The following DSTYK variants were observed in gnomAD, a reference collection of about 807,000 sequenced individuals.
The protein encoded by DSTYK is RIP-homologous kinase.
Under a neutral mutation model 98.7 loss-of-function variants are expected in DSTYK, and 34 were observed. The ratio of observed to expected loss-of-function variants is 0.34; its 90% CI spans 0.26 to 0.46. The LOEUF is 0.46. Among genes scored for constraint, DSTYK ranks in the 20% least tolerant of loss-of-function variants. DSTYK has a pLI of 1.00. For synonymous variants in DSTYK, 462 were observed against 457.3 expected (o/e 1.01, Z -0.13); for missense variants, 962 against 1,181.7 (o/e 0.81, Z 2.73).
intron 5 of DSTYK, among the ~76,000 whole-genome samples, chr1:205,162,456 C>G (rs1450540507): frequency 6.6e-6 from 1 of 152,188 alleles, no homozygotes; most frequent in Non-Finnish European, 1.5e-5. Context: ...ATATTACATT[C>G]AGTGCCAGGG....
chr1:205,195,817 G>A (rs888079337), intron 1 of DSTYK, among the ~76,000 whole-genome samples: 26 of 152,342 alleles, frequency 1.7e-4, no homozygotes, highest in African/African-American at 5.1e-4. Flanking sequence ...AAATGGGAAC[G>A]CACTCAGCAG....
At chr1:205,193,432 C>T (rs1410949403) in intron 1 of DSTYK, among the ~76,000 whole-genome samples, 1 of 152,192 alleles carries the variant, frequency 6.6e-6, no homozygotes, top group Non-Finnish European at 1.5e-5. Flanking sequence ...CTTTGGCATG[C>T]TGAGCACTTT....
chr1:205,164,406 CAA>C (rs1005420253), intron 3 of DSTYK, among the ~76,000 whole-genome samples: 1 of 116,376 alleles, frequency 8.6e-6, no homozygotes, highest in Non-Finnish European at 1.9e-5. Context: ...GACCCCGTCT[CAA>C]AAAAAAAAAA....
chr1:205,182,218 T>C (rs918604392), intron 2 of DSTYK, among the ~76,000 whole-genome samples: 1 of 151,138 alleles, frequency 6.6e-6, no homozygotes, highest in Non-Finnish European at 1.5e-5. Flanking sequence ...CTGGTCAACA[T>C]GGTGAAACCC....
chr1:205,174,845 C>G (rs1432280969), intron 2 of DSTYK, among the ~76,000 whole-genome samples: 1 of 146,392 alleles, frequency 6.8e-6, no homozygotes, highest in Non-Finnish European at 1.5e-5. Context: ...TCAAGCGATT[C>G]TCCTGCCTCA....
At chr1:205,203,680 C>T (rs1340657586) in intron 1 of DSTYK, among the ~76,000 whole-genome samples, 1 of 151,796 alleles carries the variant, frequency 6.6e-6, no homozygotes, top group East Asian at 1.9e-4. Flanking sequence ...CTTTGGGAGG[C>T]CGAGGCAGGT....
At chr1:205,180,562 T>G (rs1391067818) in intron 2 of DSTYK, among the ~76,000 whole-genome samples, 1 of 152,178 alleles carries the variant, frequency 6.6e-6, no homozygotes, top group Non-Finnish European at 1.5e-5. Flanking sequence ...CTTCCCAGGC[T>G]CAAGTGGTCT....
At chr1:205,152,171 C>G (rs1657422971) in intron 10 of DSTYK, among the ~76,000 whole-genome samples, 1 of 152,022 alleles carries the variant, frequency 6.6e-6, no homozygotes, top group Non-Finnish European at 1.5e-5. Context: ...CCATTATAAT[C>G]TTTTTTGTTT....
At chr1:205,153,372 A>C (rs1473427653) in intron 10 of DSTYK, among the ~76,000 whole-genome samples, 1 of 152,112 alleles carries the variant, frequency 6.6e-6, no homozygotes, top group Non-Finnish European at 1.5e-5. Context: ...TTCATCCTAC[A>C]TCTCTGATCA....
intron 9 of DSTYK, 123 bp from the exon 10 acceptor site, chr1:205,157,509 T>C (rs1657597821): frequency 1.4e-6 from 1 of 716,756 alleles, no homozygotes. Flanking sequence ...GCACAGTGGC[T>C]CATGCCTGTA....
chr1:205,164,629 T>G (rs2102405862), intron 3 of DSTYK, among the ~76,000 whole-genome samples: 1 of 152,048 alleles, frequency 6.6e-6, no homozygotes, highest in South Asian at 2.1e-4. Flanking sequence ...GCCTGGCTGA[T>G]TTTTTGTATT....
At chr1:205,152,399 A>C (rs777285634) in intron 10 of DSTYK, among the ~76,000 whole-genome samples, 3 of 152,132 alleles carry the variant, frequency 2.0e-5, no homozygotes, top group Non-Finnish European at 1.5e-5. Context: ...TTGGTCTCGA[A>C]CTCCCAACCT....
rs557075060 is a variant in DSTYK at position 205,202,780 on chromosome 1, T to A, written c.265+8491A>T. On this transcript the variant is annotated intron_variant, in intron 1 of 12. Transcript: ENST00000367162. Reference sequence around the variant, plus strand: ...AAGTAAATACAATTAAATATTTTTTTAAAAAAAGGAAAGAAAAGAAAGTAA... The same window carrying A: ...AAGTAAATACAATTAAATATTTTTTAAAAAAAAGGAAAGAAAAGAAAGTAA... 1,241 of 610,958 alleles carry A rather than the reference T, an allele frequency of 2.0e-3. 2 individuals are homozygous for A. The highest frequency in any genetic ancestry group is 4.7e-3 in the African/African-American group (251 of 53,472). 37.8% of individuals were successfully genotyped at this position (610,958 alleles called of 1,614,324 possible). A position where few individuals can be genotyped will look rare whatever the true frequency, so the allele number is the denominator to read the frequency against.
intron 1 of DSTYK, chr1:205,202,592 G>C: frequency 9.4e-7 from 1 of 1,062,486 alleles, no homozygotes; most frequent in Admixed American, 1.7e-5. Flanking sequence ...GCTCATGGTC[G>C]GATTAACCCA....
chr1:205,206,441 G>A (rs1218091562), intron 1 of DSTYK, among the ~76,000 whole-genome samples: 3 of 151,242 alleles, frequency 2.0e-5, no homozygotes, highest in Admixed American at 6.6e-5. Context: ...CACCATGCCC[G>A]GCTAATTTTG....
intron 3 of DSTYK, among the ~76,000 whole-genome samples, 190 bp downstream of exon 3, chr1:205,168,973 T>C (rs1289128768): frequency 6.6e-6 from 1 of 152,182 alleles, no homozygotes; most frequent in Non-Finnish European, 1.5e-5. Context: ...GGGTGGAATC[T>C]TCCACAATGA....
At chr1:205,164,696 C>T (rs538801682) in intron 3 of DSTYK, among the ~76,000 whole-genome samples, 51 of 152,210 alleles carry the variant, frequency 3.4e-4, no homozygotes, top group Admixed American at 9.2e-4. Flanking sequence ...CTCCTGACCT[C>T]GTGATCTGCC....
At chr1:205,151,441 T>C (rs1251378642) in intron 10 of DSTYK, among the ~76,000 whole-genome samples, 1 of 152,228 alleles carries the variant, frequency 6.6e-6, no homozygotes, top group Non-Finnish European at 1.5e-5. Flanking sequence ...ACACACATTG[T>C]ATAGCTGTAC....
intron 2 of DSTYK, among the ~76,000 whole-genome samples, chr1:205,186,028 A>G (rs1658549260): frequency 6.6e-6 from 1 of 152,144 alleles, no homozygotes; most frequent in Non-Finnish European, 1.5e-5. Context: ...ATCTCAAAAA[A>G]GAAAAAAAGA....
Sources: allele counts gnomAD v4.1 joint callset (sites outside exome capture counted in the v4.1 genomes callset), GRCh38; gene constraint gnomAD v4.1.1; transcripts MANE v1.5; gene names NCBI Gene and HGNC (gene_info 2026-07-23, HGNC 2026-07-21).